DUSP18: variants seen among roughly 807,000 people sequenced by gnomAD.
DUSP18 encodes dual specificity phosphatase 18, also known as dual specificity protein phosphatase 18.
A neutral mutation model predicts 6.3 loss-of-function variants in DUSP18; 4 were observed. That is an observed-to-expected ratio of 0.63 (90% CI 0.31 to 1.45). The LOEUF is 1.45. Ranked by LOEUF, DUSP18 falls within the 40% of genes most tolerant of loss-of-function variation. DUSP18 has a pLI of 0.07. For missense variants in DUSP18, 235 were observed against 247.7 expected (o/e 0.95, Z 0.34); for synonymous variants, 96 against 95.1 (o/e 1.01, Z -0.05).
downstream of DUSP18, chr22:30,661,387 C>A (rs896721040): frequency 6.6e-6 from 1 of 151,676 alleles, no homozygotes; most frequent in Non-Finnish European, 1.5e-5. Context: ...AAATATTAAC[C>A]TGAAAATAAT....
chr22:30,659,985 C>A (rs927028130), downstream of DUSP18, among the ~76,000 whole-genome samples: 14 of 152,176 alleles, frequency 9.2e-5, no homozygotes. Context: ...AAAAGGCCAA[C>A]CCCCAGCTGA....
intron 2 of DUSP18, among the ~76,000 whole-genome samples, chr22:30,653,184 GCCTGGGCTC>G (rs2088257343): frequency 6.6e-6 from 1 of 152,254 alleles, no homozygotes; most frequent in East Asian, 1.9e-4. Context: ...GCAGGTCAAG[GCCTGGGCTC>G]CCTGGCCTGG....
At chr22:30,666,535 T>C (rs1278117093) in intron 1 of DUSP18, among the ~76,000 whole-genome samples, 1 of 144,718 alleles carries the variant, frequency 6.9e-6, no homozygotes, top group Non-Finnish European at 1.5e-5. Flanking sequence ...GACGGGAGAA[T>C]TGCTTGAACC....
rs745697186 is a variant in DUSP18, at chr22:30,663,528, A to T, written c.476T>A (p.Phe159Tyr). The T allele has an allele frequency of 1.3e-5, 21 of 1,614,080 alleles. No homozygotes were observed. The highest frequency in any genetic ancestry group is 1.7e-5 in the Non-Finnish European group (20 of 1,180,036). ...EQLIHYEFQL[F>Y]GKNTVHMVSS... ...GACCATGTGCACAGTGTTCTTGCCA[A>T]ACAATTGGAACTCATAGTGGATGAG... The change falls in exon 2 of 2, where the codon TTT becomes TAT. Residue 159 changes from phenylalanine (F) to tyrosine (Y), a missense_variant. By Grantham distance (22) the Phe-to-Tyr change is conservative. Transcript: ENST00000334679.
At chr22:30,653,374 C>CTT (rs892435016) in intron 2 of DUSP18, among the ~76,000 whole-genome samples, 3 of 142,570 alleles carry the variant, frequency 2.1e-5, no homozygotes, top group Non-Finnish European at 3.1e-5. Flanking sequence ...CTTCCTCCTT[C>CTT]TTTTTTTTTT....
At position 30,662,090 on chromosome 22, in the gene DUSP18, A is replaced by G. The variant is rs536602349; in HGVS notation, c.*1347T>C. On this transcript the variant is annotated 3_prime_UTR_variant, in exon 2 of 2. Transcript: ENST00000334679. ...CTTTTTGGAAGAGTACTTTGTAACA[A>G]TAAAGTGCTGTGCACAGAAAGGAGA... 1.3e-5 allele frequency: 2 copies of G among 151,250 alleles called. No individual in the cohort carries two copies. Among genetic ancestry groups the G allele is most frequent in the South Asian group, 2.1e-4 (1 of 4,788 alleles). The allele number at this position is 151,250 out of a possible 1,614,324, so 9.4% of individuals were successfully genotyped here.
intron 2 of DUSP18, among the ~76,000 whole-genome samples, chr22:30,652,984 G>C (rs555569204): frequency 2.0e-5 from 3 of 152,294 alleles, no homozygotes; most frequent in Non-Finnish European, 4.4e-5. Context: ...GAGTGATTGA[G>C]GACGTGAGGA....
In DUSP18 at chr22:30,663,798, A is replaced by G. The variant is rs1237548432; in HGVS notation, c.206T>C (p.Val69Ala). 1 of 1,614,096 alleles carries G rather than the reference A, an allele frequency of 6.2e-7. No homozygotes were observed. The highest frequency in any genetic ancestry group is 8.5e-7 in the Non-Finnish European group (1 of 1,180,044). ...TLYEDIQYMQ[V>A]PVADSPNSRL... ...TGAGTTAGGGGAGTCAGCCACAGGT[A>G]CCTGCATGTACTGGATATCCTCATA... Residue 69 changes from valine to alanine, a missense_variant, in exon 2 of 2, where the codon GTA (valine) becomes GCA (alanine). By Grantham distance (64) the Val-to-Ala change is moderately conservative. Transcript: ENST00000334679.
downstream of DUSP18, among the ~76,000 whole-genome samples, chr22:30,656,982 TAAAA>T (rs2088350519): frequency 1.3e-5 from 2 of 151,580 alleles, no homozygotes; most frequent in Admixed American, 1.3e-4. Context: ...AATTAAAACT[TAAAA>T]AAGGAGGAAT....
intron 1 of DUSP18, chr22:30,665,408 A>G (rs913531905): frequency 2.5e-6 from 1 of 395,552 alleles, no homozygotes; most frequent in Non-Finnish European, 5.2e-6. Context: ...AGCCACTTAC[A>G]GTTCCTTAGG....
downstream of DUSP18, among the ~76,000 whole-genome samples, chr22:30,657,372 T>C (rs1320724501): frequency 2.0e-5 from 3 of 150,840 alleles, no homozygotes; most frequent in Non-Finnish European, 4.4e-5. Context: ...GGCAGGAGAA[T>C]TGCTTGAACC....
intron 1 of DUSP18, among the ~76,000 whole-genome samples, chr22:30,665,303 G>A (rs2088608746): frequency 6.6e-6 from 1 of 152,218 alleles, no homozygotes; most frequent in African/African-American, 2.4e-5. Context: ...GAGCCACTTA[G>A]TTTGGCTGTC....
downstream of DUSP18, among the ~76,000 whole-genome samples, chr22:30,660,927 C>G (rs1385688442): frequency 6.6e-6 from 1 of 151,874 alleles, no homozygotes; most frequent in Middle Eastern, 3.4e-3. Flanking sequence ...GCAACCTCTG[C>G]CTCCCGGGTT....
At chr22:30,658,370 C>T (rs577058753), downstream of DUSP18, among the ~76,000 whole-genome samples, 114 of 149,734 alleles carry the variant, frequency 7.6e-4, 2 homozygotes, top group South Asian at 5.5e-3. Context: ...GAGACTCTGT[C>T]TCTAGAAAAA....
chr22:30,665,519 G>C (rs145308917), intron 1 of DUSP18: 12,246 of 470,946 alleles, frequency 0.026, 250 homozygotes, highest in South Asian at 0.048. Flanking sequence ...TTCAGCAGAG[G>C]ACTGCAGAAG....
chr22:30,657,894 A>G (rs950709807), downstream of DUSP18, among the ~76,000 whole-genome samples: 3 of 144,140 alleles, frequency 2.1e-5, no homozygotes, highest in African/African-American at 7.7e-5. Flanking sequence ...ACAGTGCAAG[A>G]CTCTGTCTCA....
Position 30,663,448 on chromosome 22 carries a change from T to A in DUSP18, c.556A>T (p.Ile186Phe). The A allele has an allele frequency of 1.9e-6, 3 of 1,609,156 alleles. No individual in the cohort carries two copies. The highest frequency in any genetic ancestry group is 2.6e-6 in the Non-Finnish European group (3 of 1,175,834). ...GCTCGTGGGATGGCTCACAGTGGAA[T>A]CATCAAACGGACTTCCTTCTCATAG... ...DIYEKEVRLM[I>F]PL Residue 186 changes from isoleucine (I) to phenylalanine (F), a missense_variant, in exon 2 of 2, where the codon ATT (isoleucine) becomes TTT (phenylalanine). By Grantham distance (21) the Ile-to-Phe change is conservative. Coordinates refer to ENST00000334679, the MANE Select transcript of DUSP18 (RefSeq NM_152511.5).
chr22:30,665,059 G>A (rs1435415704), intron 1 of DUSP18: 3 of 153,186 alleles, frequency 2.0e-5, no homozygotes, highest in Admixed American at 6.5e-5. Flanking sequence ...CCTCAGGTGC[G>A]GCCTGGGTGC....
downstream of DUSP18, among the ~76,000 whole-genome samples, chr22:30,656,837 T>A (rs147656463): frequency 5.9e-5 from 9 of 152,308 alleles, no homozygotes; most frequent in Middle Eastern, 3.4e-3. Context: ...AGGAATGGCT[T>A]GGCCCAGTGG....
Sources: gnomAD v4.1 joint callset for allele counts (sites outside exome capture counted in the v4.1 genomes callset) on GRCh38, gnomAD v4.1.1 for gene constraint, MANE v1.5 for transcripts, NCBI Gene and HGNC (gene_info 2026-07-23, HGNC 2026-07-21) for gene names.